The following C4orf17 variants were observed in gnomAD, a reference collection of about 807,000 sequenced individuals.
C4orf17 encodes uncharacterized protein C4orf17.
In C4orf17, 25 loss-of-function variants were observed where a neutral mutation model predicts 32.0. That is an observed-to-expected ratio of 0.78 (90% CI 0.57 to 1.09). The LOEUF is 1.09. C4orf17 is among the 50% of genes least tolerant of loss of function. The pLI, the probability that C4orf17 is intolerant of heterozygous loss-of-function variation, is 0.00. For synonymous variants in C4orf17, 149 were observed against 145.8 expected (o/e 1.02, Z -0.16); for missense variants, 420 against 420.0 (o/e 1.00, Z 0.00).
intron 6 of C4orf17, among the ~76,000 whole-genome samples, chr4:99,538,717 A>G (rs547314929): frequency 1.3e-5 from 2 of 152,230 alleles, no homozygotes; most frequent in Non-Finnish European, 2.9e-5. Context: ...AAAAAAAATA[A>G]TCAATAAAAT....
At chr4:99,529,377 C>A (rs1197575795) in intron 4 of C4orf17, among the ~76,000 whole-genome samples, 1 of 152,224 alleles carries the variant, frequency 6.6e-6, no homozygotes. Context: ...TAACTCTCAG[C>A]TGTTAGCTGT....
intron 4 of C4orf17, among the ~76,000 whole-genome samples, chr4:99,527,805 T>C (rs1723416082): frequency 2.0e-5 from 3 of 152,214 alleles, no homozygotes; most frequent in Admixed American, 2.0e-4. Flanking sequence ...GGTGTTGAAA[T>C]CGCTAATTAT....
In C4orf17 at chr4:99,515,820, C is replaced by T. The variant is rs555029821; in HGVS notation, c.127+2612C>T. On this transcript the variant is annotated intron_variant, in intron 2 of 8. Transcript: ENST00000326581. ...TTAAAAATAAAAAAAAGTCATGATA[C>T]AAATAAACCAAGCTTTGTTGAAAAA... 3.8e-4 allele frequency among the ~76,000 whole-genome samples: 58 copies of T among 151,622 alleles called. 2 individuals carry two copies. In the South Asian group the frequency reaches 0.011, roughly 30 times the overall value.
chr4:99,535,944 TTC>T (rs1417965082), intron 5 of C4orf17: 1 of 437,600 alleles, frequency 2.3e-6, no homozygotes, highest in African/African-American at 2.3e-5. Context: ...TGTTGTTTTT[TTC>T]TGTTTTTCTT....
chr4:99,531,921 C>T (rs755643498), intron 5 of C4orf17, among the ~76,000 whole-genome samples: 1 of 152,054 alleles, frequency 6.6e-6, no homozygotes, highest in African/African-American at 2.4e-5. Flanking sequence ...GCTGTGAAAT[C>T]AGGAAATGTT....
chr4:99,533,657 A>G (rs1300706826), intron 5 of C4orf17, among the ~76,000 whole-genome samples: 1 of 152,182 alleles, frequency 6.6e-6, no homozygotes, highest in Admixed American at 6.5e-5. Flanking sequence ...ATTTAGGGGT[A>G]CCATTAAGTG....
Position 99,542,208 on chromosome 4 carries a change from T to C in C4orf17, c.*99T>C. On this transcript the variant is annotated 3_prime_UTR_variant, in exon 9 of 9. Coordinates refer to ENST00000326581, the MANE Select transcript of C4orf17 (RefSeq NM_032149.3). ...ATATTTTTGGTATTGAGGAATCAAG[T>C]GGTCCTCTTTATGGTGGCACATGTA... 2.9e-6 allele frequency: 3 copies of C among 1,026,742 alleles called. No homozygotes were observed. The highest frequency in any genetic ancestry group is 5.0e-5 in the East Asian group (2 of 39,938). 63.6% of individuals were successfully genotyped at this position (1,026,742 alleles called of 1,614,324 possible).
chr4:99,515,114 C>T (rs531105166), intron 2 of C4orf17, among the ~76,000 whole-genome samples: 7 of 152,242 alleles, frequency 4.6e-5, no homozygotes, highest in Admixed American at 1.3e-4. Flanking sequence ...GGTTAAAAAG[C>T]GGGTGAGGAT....
chr4:99,531,973 ATTAC>A (rs1448683663), intron 5 of C4orf17, among the ~76,000 whole-genome samples: 9 of 152,172 alleles, frequency 5.9e-5, no homozygotes, highest in Non-Finnish European at 1.3e-4. Flanking sequence ...TTTCATGATT[ATTAC>A]TTTAAAAGGA....
chr4:99,533,005 C>T (rs778577125), intron 5 of C4orf17, among the ~76,000 whole-genome samples: 11 of 152,124 alleles, frequency 7.2e-5, no homozygotes, highest in African/African-American at 1.9e-4. Flanking sequence ...TTTAAAACAA[C>T]GAACAACAAT....
intron 7 of C4orf17, among the ~76,000 whole-genome samples, chr4:99,539,943 T>A (rs1341754440): frequency 6.6e-6 from 1 of 151,970 alleles, no homozygotes; most frequent in African/African-American, 2.4e-5. Flanking sequence ...AGAAGAAAAA[T>A]ATATATTTAT....
Position 99,522,589 on chromosome 4 carries a change from A to G in C4orf17, c.217A>G (p.Lys73Glu), listed in dbSNP as rs767561246. ...WGVGQSNYLE[K>E]NRIPFANCSY... ...AGTTGGCCAGTCTAACTACTTAGAG[A>G]AGAACAGGATACCATTTGCCAATTG... The change falls in exon 3 of 9, where the codon AAG (lysine) becomes GAG (glutamate). Residue 73 changes from lysine to glutamate, a missense_variant. Coordinates refer to ENST00000326581, the MANE Select transcript of C4orf17 (RefSeq NM_032149.3). The G allele has an allele frequency of 2.5e-6, 4 of 1,613,858 alleles. No homozygotes were observed. The highest frequency in any genetic ancestry group is 3.4e-6 in the Non-Finnish European group (4 of 1,179,892).
chr4:99,529,811 T>C lies in C4orf17; in HGVS notation c.403-4T>C, dbSNP rs1723448264. Reference sequence around the variant, plus strand: ...ATATTGGTTATATTATACTTTTGATTTAGGAAGAAATTAAGGCCAAAAGAC... The same window carrying C: ...ATATTGGTTATATTATACTTTTGATCTAGGAAGAAATTAAGGCCAAAAGAC... On this transcript the variant is annotated splice_region_variant and splice_polypyrimidine_tract_variant and intron_variant, in intron 4 of 8. Transcript: ENST00000326581. 1 of 1,601,660 alleles carries C rather than the reference T, an allele frequency of 6.2e-7. No individual in the cohort carries two copies. The highest frequency in any genetic ancestry group is 1.4e-5 in the African/African-American group (1 of 73,906).
At chr4:99,530,656 G>A (rs1350793923) in intron 5 of C4orf17, among the ~76,000 whole-genome samples, 1 of 152,034 alleles carries the variant, frequency 6.6e-6, no homozygotes, top group Non-Finnish European at 1.5e-5. Context: ...AGTGTCTATA[G>A]TTATAAATAC....
intron 3 of C4orf17, 77 bp from the exon 4 acceptor site, chr4:99,524,444 C>T (rs1254150479): frequency 1.2e-6 from 1 of 804,764 alleles, no homozygotes; most frequent in East Asian, 2.6e-5. Context: ...TCTATTTCAG[C>T]AATTGACACA....
intron 2 of C4orf17, among the ~76,000 whole-genome samples, chr4:99,515,277 C>A (rs1361841843): frequency 6.6e-6 from 1 of 152,086 alleles, no homozygotes. Flanking sequence ...TTCACAGCAG[C>A]AAAGACATGG....
intron 8 of C4orf17, chr4:99,540,674 CTT>C (rs1723638875): frequency 6.7e-6 from 3 of 449,572 alleles, no homozygotes; most frequent in Non-Finnish European, 1.2e-5. Flanking sequence ...GACAGACACT[CTT>C]TGAGAAGCAA....
intron 2 of C4orf17, among the ~76,000 whole-genome samples, chr4:99,518,518 A>AATATATATATAT (rs1323508832): frequency 1.2e-4 from 2 of 16,830 alleles, no homozygotes; most frequent in African/African-American, 8.4e-4. Flanking sequence ...AAAAAAAAAA[A>AATATATATATAT]ATATATATAT....
chr4:99,524,003 G>A (rs1244244000), intron 3 of C4orf17, among the ~76,000 whole-genome samples: 1 of 135,246 alleles, frequency 7.4e-6, no homozygotes, highest in African/African-American at 2.8e-5. Flanking sequence ...TTTTTGAGAC[G>A]GAGTCTTGCT....
Sources: gnomAD v4.1 joint callset for allele counts (sites outside exome capture counted in the v4.1 genomes callset) on GRCh38, gnomAD v4.1.1 for gene constraint, MANE v1.5 for transcripts, NCBI Gene and HGNC (gene_info 2026-07-23, HGNC 2026-07-21) for gene names.